Variants in KCNK10 observed in about 807,000 individuals in gnomAD.
KCNK10 encodes the protein potassium channel subfamily K member 10.
In KCNK10, 25 loss-of-function variants were observed where a neutral mutation model predicts 47.7. The ratio of observed to expected loss-of-function variants is 0.52; its 90% CI spans 0.38 to 0.73. The LOEUF (loss-of-function observed/expected upper bound fraction) is 0.73. Ranked by LOEUF, KCNK10 falls within the 30% of genes least tolerant of loss-of-function variation. The pLI, the probability that KCNK10 is intolerant of heterozygous loss-of-function variation, is 0.00. For missense variants in KCNK10, 563 were observed against 714.5 expected (o/e 0.79, Z 2.42); for synonymous variants, 303 against 285.6 (o/e 1.06, Z -0.61).
chr14:88,320,902 C>T (rs1217628060), intron 1 of KCNK10, among the ~76,000 whole-genome samples: 3 of 152,214 alleles, frequency 2.0e-5, no homozygotes, highest in African/African-American at 7.2e-5. Flanking sequence ...CAACACAGGG[C>T]TTGGAGGGGG....
In KCNK10 at chr14:88,319,824, C is replaced by A. The variant is rs115677574; in HGVS notation, c.52+2923G>T. On this transcript the variant is annotated intron_variant, in intron 1 of 6. Transcript: ENST00000319231. Reference sequence around the variant, plus strand: ...AGTGTTTAAGAGCCCAGATTCTAATCTTGTCCTACTAGCTGTGCAACCTTG... The same window carrying A: ...AGTGTTTAAGAGCCCAGATTCTAATATTGTCCTACTAGCTGTGCAACCTTG... 1.1e-3 allele frequency among the ~76,000 whole-genome samples: 170 copies of A among 152,330 alleles called. 1 individual carries two copies. The highest frequency in any genetic ancestry group is 4.0e-3 in the African/African-American group (168 of 41,578).
chr14:88,267,978 C>A (rs1027677067), intron 1 of KCNK10, among the ~76,000 whole-genome samples: 5 of 152,118 alleles, frequency 3.3e-5, no homozygotes, highest in Admixed American at 2.6e-4. Flanking sequence ...TGCATGAGTC[C>A]AGGTAGGACC....
At chr14:88,198,473 C>A (rs1261469481) in intron 4 of KCNK10, among the ~76,000 whole-genome samples, 1 of 152,210 alleles carries the variant, frequency 6.6e-6, no homozygotes, top group Non-Finnish European at 1.5e-5. Flanking sequence ...TCTCCACCAT[C>A]ATAAACAGAA....
At chr14:88,233,820 C>T (rs1387125262) in intron 3 of KCNK10, among the ~76,000 whole-genome samples, 1 of 152,142 alleles carries the variant, frequency 6.6e-6, no homozygotes, top group Admixed American at 6.5e-5. Flanking sequence ...TCCAATGTAG[C>T]CATAGTGTTT....
chr14:88,311,540 C>T (rs994216198), intron 1 of KCNK10, among the ~76,000 whole-genome samples: 1 of 152,128 alleles, frequency 6.6e-6, no homozygotes, highest in Non-Finnish European at 1.5e-5. Flanking sequence ...AAAAAAATCT[C>T]ATGGTCTATA....
chr14:88,265,002 G>A (rs1003217560), intron 1 of KCNK10, among the ~76,000 whole-genome samples: 16 of 152,196 alleles, frequency 1.1e-4, no homozygotes, highest in African/African-American at 3.9e-4. Flanking sequence ...CCTGTGGCCA[G>A]CAGCCTCATC....
intron 4 of KCNK10, among the ~76,000 whole-genome samples, chr14:88,213,119 A>C (rs1400240228): frequency 6.6e-6 from 1 of 152,162 alleles, no homozygotes. Context: ...GTCATCTAAA[A>C]CTTATCCTAC....
chr14:88,211,413 G>A (rs953379133), intron 4 of KCNK10, among the ~76,000 whole-genome samples: 2 of 152,192 alleles, frequency 1.3e-5, no homozygotes, highest in African/African-American at 2.4e-5. Context: ...AGATGGAAAA[G>A]TTCTGGAGAT....
At chr14:88,271,244 A>C (rs994670195) in intron 1 of KCNK10, among the ~76,000 whole-genome samples, 1 of 152,204 alleles carries the variant, frequency 6.6e-6, no homozygotes, top group Admixed American at 6.5e-5. Context: ...CCCTGGTTAC[A>C]GTTTGTTTCA....
At chr14:88,198,892 C>CTTTT (rs1555359840) in intron 4 of KCNK10, among the ~76,000 whole-genome samples, 5 of 135,286 alleles carry the variant, frequency 3.7e-5, no homozygotes, top group South Asian at 2.4e-4. Flanking sequence ...TCTCCTTTGT[C>CTTTT]TTATTTTATT....
At chr14:88,278,673 C>G (rs564245054) in intron 1 of KCNK10, among the ~76,000 whole-genome samples, 1 of 152,184 alleles carries the variant, frequency 6.6e-6, no homozygotes, top group African/African-American at 2.4e-5. Flanking sequence ...GGAACAGAAT[C>G]TTCAGCCAAG....
intron 4 of KCNK10, among the ~76,000 whole-genome samples, chr14:88,207,321 C>T (rs1306637347): frequency 7.2e-5 from 11 of 151,942 alleles, no homozygotes; most frequent in Admixed American, 7.2e-4. Flanking sequence ...TACAGGGGCC[C>T]GCCATCGCGC....
chr14:88,244,370 CT>C (rs1282143237), intron 2 of KCNK10, among the ~76,000 whole-genome samples: 2 of 152,084 alleles, frequency 1.3e-5, no homozygotes, highest in Admixed American at 1.3e-4. Flanking sequence ...AATGCATTTG[CT>C]TTTAAGATTT....
chr14:88,292,330 T>C (rs1355101373), intron 1 of KCNK10, among the ~76,000 whole-genome samples: 1 of 152,068 alleles, frequency 6.6e-6, no homozygotes, highest in Admixed American at 6.5e-5. Flanking sequence ...AAAGGAGAGC[T>C]TTGTGATTTT....
intron 1 of KCNK10, among the ~76,000 whole-genome samples, chr14:88,307,367 C>T (rs1172469307): frequency 7.2e-6 from 1 of 139,056 alleles, no homozygotes; most frequent in Non-Finnish European, 1.6e-5. Flanking sequence ...AAATATCTAC[C>T]TGTTGTATGA....
At chr14:88,292,999 A>G (rs1887913568) in intron 1 of KCNK10, among the ~76,000 whole-genome samples, 1 of 151,904 alleles carries the variant, frequency 6.6e-6, no homozygotes, top group African/African-American at 2.4e-5. Context: ...ATCTGAAAAA[A>G]AAGTACAATT....
intron 1 of KCNK10, among the ~76,000 whole-genome samples, chr14:88,295,295 T>G (rs1017216196): frequency 6.6e-6 from 1 of 152,244 alleles, no homozygotes; most frequent in African/African-American, 2.4e-5. Context: ...AATAGCCACC[T>G]TGGACATTTG....
intron 1 of KCNK10, among the ~76,000 whole-genome samples, chr14:88,287,511 C>T (rs1887787786): frequency 2.0e-5 from 3 of 152,136 alleles, no homozygotes; most frequent in African/African-American, 4.8e-5. Flanking sequence ...AATGAGGATG[C>T]CTTTGCATCC....
chr14:88,301,629 T>C (rs1888101126), intron 1 of KCNK10, among the ~76,000 whole-genome samples: 3 of 137,470 alleles, frequency 2.2e-5, no homozygotes, highest in Admixed American at 1.6e-4. Flanking sequence ...CCTATGAAAA[T>C]TGGGCAGAAG....
Sources: allele counts gnomAD v4.1 joint callset (sites outside exome capture counted in the v4.1 genomes callset), GRCh38; gene constraint gnomAD v4.1.1; transcripts MANE v1.5; gene names NCBI Gene and HGNC (gene_info 2026-07-23, HGNC 2026-07-21).